DGKG: variants seen among roughly 807,000 people sequenced by gnomAD.
DGKG encodes the protein DAG kinase gamma.
In DGKG, 78 loss-of-function variants were observed where a neutral mutation model predicts 105.3. That is an observed-to-expected ratio of 0.74 (90% CI 0.62 to 0.89). The LOEUF is 0.89. Ranked by LOEUF, DGKG falls within the 40% of genes least tolerant of loss-of-function variation. DGKG has a pLI of 0.00. For synonymous variants in DGKG, 346 were observed against 367.1 expected, an observed-to-expected ratio of 0.94 and a Z score of 0.66; for missense variants, 958 against 1,020.1, an observed-to-expected ratio of 0.94 and a Z score of 0.83.
chr3:186,333,642 A>G (rs1270706674), intron 1 of DGKG, among the ~76,000 whole-genome samples: 1 of 152,214 alleles, frequency 6.6e-6, no homozygotes, highest in Non-Finnish European at 1.5e-5. Flanking sequence ...ATTTTCCATC[A>G]TGAAGCAAAT....
At chr3:186,247,801 A>G (rs1721014966) in intron 19 of DGKG, among the ~76,000 whole-genome samples, 2 of 152,352 alleles carry the variant, frequency 1.3e-5, no homozygotes, top group South Asian at 4.1e-4. Flanking sequence ...GAAAAAAATT[A>G]CAAGAAAGAT....
intron 19 of DGKG, among the ~76,000 whole-genome samples, chr3:186,248,647 T>C (rs1721062313): frequency 6.6e-6 from 1 of 152,222 alleles, no homozygotes; most frequent in Non-Finnish European, 1.5e-5. Context: ...TAAGAGGTGG[T>C]GGTGAGCCAC....
At chr3:186,169,028 T>C (rs1231860057) in intron 22 of DGKG, among the ~76,000 whole-genome samples, 8 of 152,220 alleles carry the variant, frequency 5.3e-5, no homozygotes, top group African/African-American at 1.9e-4. Context: ...TGAAAATCAC[T>C]GATAGAAACT....
At chr3:186,322,836 C>G (rs1725144486) in intron 1 of DGKG, among the ~76,000 whole-genome samples, 1 of 152,196 alleles carries the variant, frequency 6.6e-6, no homozygotes, top group African/African-American at 2.4e-5. Flanking sequence ...CTTCCAGTGT[C>G]CCCAGCCGCT....
intron 2 of DGKG, among the ~76,000 whole-genome samples, chr3:186,312,443 G>A (rs928131128): frequency 2.6e-5 from 4 of 152,188 alleles, no homozygotes; most frequent in East Asian, 1.9e-4. Context: ...GCAGGTTCAC[G>A]GACCTCACTT....
At chr3:186,312,814 C>T (rs1434411554) in intron 2 of DGKG, among the ~76,000 whole-genome samples, 2 of 152,204 alleles carry the variant, frequency 1.3e-5, no homozygotes, top group Admixed American at 6.5e-5. Flanking sequence ...CATCAAAAGG[C>T]CCACCTCTTC....
intron 22 of DGKG, among the ~76,000 whole-genome samples, chr3:186,174,946 T>A (rs1717004971): frequency 1.3e-5 from 2 of 152,048 alleles, no homozygotes; most frequent in African/African-American, 2.4e-5. Context: ...GTCTGGATAA[T>A]CCCATTGGGA....
chr3:186,216,889 G>A (rs1209084488), intron 20 of DGKG, among the ~76,000 whole-genome samples: 2 of 152,216 alleles, frequency 1.3e-5, no homozygotes, highest in African/African-American at 4.8e-5. Context: ...TCTGAGAGCT[G>A]AGAGGCTAGG....
At chr3:186,267,921 T>TGTGTGTGTGTGCAC (rs1722133305) in intron 12 of DGKG, 144 bp from the exon 13 acceptor site, 13 of 693,932 alleles carry the variant, frequency 1.9e-5, no homozygotes, top group South Asian at 1.8e-4. Context: ...TATTGCCGTG[T>TGTGTGTGTGTGCAC]GTGTGTGTGT....
intron 2 of DGKG, among the ~76,000 whole-genome samples, chr3:186,308,446 G>C (rs1724361079): frequency 6.6e-6 from 1 of 152,136 alleles, no homozygotes; most frequent in Non-Finnish European, 1.5e-5. Flanking sequence ...TGAGCCAAAG[G>C]ACGATGTTAT....
chr3:186,347,208 G>A (rs187336619), intron 1 of DGKG, among the ~76,000 whole-genome samples: 170 of 152,114 alleles, frequency 1.1e-3, no homozygotes, highest in African/African-American at 3.6e-3. Flanking sequence ...TAGCACTTTG[G>A]GAGGCCGAGG....
At chr3:186,206,403 C>CAA (rs201561655) in intron 21 of DGKG, among the ~76,000 whole-genome samples, 4,751 of 151,302 alleles carry the variant, frequency 0.031, 231 homozygotes, top group African/African-American at 0.11. Flanking sequence ...CAAAACAAAA[C>CAA]AAAAAAACAA....
chr3:186,199,985 C>T (rs754398340), intron 21 of DGKG, among the ~76,000 whole-genome samples: 4 of 152,050 alleles, frequency 2.6e-5, no homozygotes, highest in Non-Finnish European at 4.4e-5. Flanking sequence ...TGCATGCTCC[C>T]GATGCCTCTT....
intron 20 of DGKG, among the ~76,000 whole-genome samples, chr3:186,227,850 C>T (rs1167782886): frequency 2.0e-5 from 3 of 152,044 alleles, no homozygotes; most frequent in African/African-American, 4.8e-5. Context: ...TCACATCAGC[C>T]GTAAATACAG....
Position 186,214,035 on chromosome 3 carries a change from A to G in DGKG, c.1827-2150T>C, listed in dbSNP as rs374238228. Among the ~76,000 whole-genome samples, 36 of 152,320 alleles carry G rather than the reference A, an allele frequency of 2.4e-4. 1 individual carries two copies. Among genetic ancestry groups the G allele is most frequent in the Admixed American group, 1.8e-3 (28 of 15,292 alleles). ...GACTTGCTTGTGATTCCATTTTCAA[A>G]TATCACTGCTGGCCTGAATCATGAC... On this transcript the variant is annotated intron_variant, in intron 20 of 24. Coordinates refer to ENST00000265022, the MANE Select transcript of DGKG (RefSeq NM_001346.3).
intron 1 of DGKG, among the ~76,000 whole-genome samples, chr3:186,326,371 C>A (rs538194654): frequency 6.6e-6 from 1 of 150,722 alleles, no homozygotes; most frequent in Non-Finnish European, 1.5e-5. Flanking sequence ...TGCACTCCAG[C>A]CTGGGTGACA....
At chr3:186,250,101 G>A (rs1721133523) in intron 19 of DGKG, among the ~76,000 whole-genome samples, 1 of 152,100 alleles carries the variant, frequency 6.6e-6, no homozygotes, top group Non-Finnish European at 1.5e-5. Flanking sequence ...CCAGAACAAG[G>A]CACCACCATG....
chr3:186,201,311 C>T (rs1020775274), intron 21 of DGKG, among the ~76,000 whole-genome samples: 1 of 151,986 alleles, frequency 6.6e-6, no homozygotes, highest in Non-Finnish European at 1.5e-5. Flanking sequence ...GGCCTGATGG[C>T]CTGGGGGCCA....
rs532825720 is a variant in DGKG at position 186,261,756 on chromosome 3, C to T, written c.1292G>A (p.Gly431Asp). The T allele has an allele frequency of 1.1e-5, 18 of 1,607,108 alleles. No individual in the cohort carries two copies. The South Asian group carries it at 1.9e-4, about 17-fold the overall frequency. Reference protein sequence around the residue: ...VMQYKIIPTPGTHPLLVLVNP... With the variant: ...VMQYKIIPTPDTHPLLVLVNP... ...CACCAAGACCAGCAGGGGGTGGGTA[C>T]CCGGGGTGGGGATGATCTTATACTT... The change falls in exon 15 of 25, where the codon GGT becomes GAT. Residue 431 changes from glycine (G) to aspartate (D), a missense_variant. Transcript: ENST00000265022.
Sources: allele counts gnomAD v4.1 joint callset (sites outside exome capture counted in the v4.1 genomes callset), GRCh38; gene constraint gnomAD v4.1.1; transcripts MANE v1.5; gene names NCBI Gene and HGNC (gene_info 2026-07-23, HGNC 2026-07-21).